The following ABCG2 variants were observed in gnomAD, a reference collection of about 807,000 sequenced individuals.
ABCG2 encodes broad substrate specificity ATP-binding cassette transporter ABCG2.
ABCG2 carries 80 observed loss-of-function variants against 73.5 expected under a neutral mutation model. The ratio of observed to expected loss-of-function variants is 1.09; its 90% CI spans 0.91 to 1.31. The LOEUF (loss-of-function observed/expected upper bound fraction) is 1.31. ABCG2 is among the 50% of genes most tolerant of loss of function. The pLI, the probability that ABCG2 is intolerant of heterozygous loss-of-function variation, is 0.00. For missense variants in ABCG2, 796 were observed against 786.2 expected, an observed-to-expected ratio of 1.01 and a Z score of -0.15; for synonymous variants, 269 against 282.4, an observed-to-expected ratio of 0.95 and a Z score of 0.48.
Position 88,115,202 on chromosome 4 carries a change from G to A in ABCG2, c.842-144C>T, listed in dbSNP as rs1033672298. ...AACTTTCTTTCTCTCTTCTTCCCAC[G>A]TAATTTTACCCTTTCTTTTTATATA... On this transcript the variant is annotated intron_variant, in intron 7 of 15. Coordinates refer to ENST00000237612, the MANE Select transcript of ABCG2 (RefSeq NM_004827.3). 4.8e-5 allele frequency: 21 copies of A among 436,600 alleles called. 1 individual carries two copies. Among genetic ancestry groups the A allele is most frequent in the African/African-American group, 4.5e-4 (17 of 37,538 alleles). The allele number at this position is 436,600 out of a possible 1,614,324, so 27.0% of individuals were successfully genotyped here. A position where few individuals can be genotyped will look rare whatever the true frequency, so the allele number is the denominator to read the frequency against.
At chr4:88,196,950 T>C (rs1349503813) in intron 1 of ABCG2, among the ~76,000 whole-genome samples, 4 of 152,054 alleles carry the variant, frequency 2.6e-5, no homozygotes, top group Non-Finnish European at 1.5e-5. Context: ...TAAATGACCT[T>C]GGTGAAGGGA....
rs74624975 is a variant in ABCG2, at chr4:88,208,335, G to T, written c.-20+22659C>A. Among the ~76,000 whole-genome samples the T allele has an allele frequency of 5.6e-4, 85 of 152,300 alleles. 1 individual carries two copies. The East Asian group carries it at 0.014, about 25-fold the overall frequency. The stretch of plus-strand genomic sequence containing the variant: ...AGGGTAAGCTATAGGGAGAGTCGGA[G>T]AAATCCATGGGCAAGCTTCCTCAAG... On this transcript the variant is annotated intron_variant, in intron 1 of 15. Transcript: ENST00000515655.
chr4:88,159,294 C>A (rs142365584), upstream of ABCG2: 2 of 446,868 alleles, frequency 4.5e-6, no homozygotes, highest in Non-Finnish European at 9.0e-6. Flanking sequence ...CAGTCACAAG[C>A]GCTGCTCGCA....
rs557083708 is a variant in ABCG2, at chr4:88,182,678, GA to G, written c.-19-42665del. ...AGTGGGTCAATGAAGAAACTAGTAA[GA>G]AAATTAAAAATTTTCTTGAAACAAA... On this transcript the variant is annotated intron_variant, in intron 1 of 15. Transcript: ENST00000515655. Among the ~76,000 whole-genome samples, 290 of 152,184 alleles carry G rather than the reference GA, an allele frequency of 1.9e-3. 1 individual carries two copies. The highest frequency in any genetic ancestry group is 5.8e-3 in the African/African-American group (241 of 41,528).
At chr4:88,155,206 G>A (rs960522956) in intron 1 of ABCG2, among the ~76,000 whole-genome samples, 1 of 152,186 alleles carries the variant, frequency 6.6e-6, no homozygotes, top group African/African-American at 2.4e-5. Flanking sequence ...GCGAAACCAG[G>A]TATCCAAAGT....
intron 1 of ABCG2, among the ~76,000 whole-genome samples, chr4:88,216,353 G>A (rs1729812442): frequency 6.6e-6 from 1 of 152,200 alleles, no homozygotes. Flanking sequence ...TGTGCCGCGT[G>A]TACATCCAGT....
chr4:88,142,889 A>G (rs1431183380), intron 1 of ABCG2, among the ~76,000 whole-genome samples: 2 of 152,140 alleles, frequency 1.3e-5, no homozygotes, highest in Non-Finnish European at 2.9e-5. Flanking sequence ...CAGAGATTGC[A>G]GTGAGCCGAG....
chr4:88,140,825 A>C (rs981573216), intron 1 of ABCG2, among the ~76,000 whole-genome samples: 1 of 152,140 alleles, frequency 6.6e-6, no homozygotes. Context: ...ATTACATAAT[A>C]ATTTCCTTAA....
intron 1 of ABCG2, among the ~76,000 whole-genome samples, chr4:88,152,524 G>A (rs1039632625): frequency 4.6e-5 from 7 of 152,260 alleles, no homozygotes; most frequent in Non-Finnish European, 8.8e-5. Context: ...GGGCGTCACA[G>A]GGTGCTCAGC....
intron 1 of ABCG2, among the ~76,000 whole-genome samples, chr4:88,209,536 G>A (rs932220114): frequency 1.3e-5 from 2 of 151,046 alleles, no homozygotes; most frequent in Non-Finnish European, 2.9e-5. Context: ...GGTGGTGAGC[G>A]CCTGTAATCC....
chr4:88,129,646 C>T (rs1724701717), intron 5 of ABCG2, among the ~76,000 whole-genome samples: 1 of 152,152 alleles, frequency 6.6e-6, no homozygotes, highest in Non-Finnish European at 1.5e-5. Context: ...TACAGTAAAA[C>T]ACCCTGAACA....
At chr4:88,228,938 T>A (rs1730339811) in intron 1 of ABCG2, among the ~76,000 whole-genome samples, 1 of 151,740 alleles carries the variant, frequency 6.6e-6, no homozygotes, top group African/African-American at 2.4e-5. Context: ...AATGCACCAA[T>A]CAGCATTCTG....
chr4:88,229,332 G>A (rs918961914), intron 1 of ABCG2, among the ~76,000 whole-genome samples: 2 of 152,058 alleles, frequency 1.3e-5, no homozygotes, highest in Non-Finnish European at 2.9e-5. Flanking sequence ...AATGGCTTCA[G>A]CATCTTCACT....
At chr4:88,121,951 T>C (rs933272318) in intron 5 of ABCG2, among the ~76,000 whole-genome samples, 159 bp from the exon 6 acceptor site, 1 of 152,162 alleles carries the variant, frequency 6.6e-6, no homozygotes, top group Non-Finnish European at 1.5e-5. Flanking sequence ...AGTAGGTATC[T>C]CTTTTATCAG....
At position 88,094,610 on chromosome 4, in the gene ABCG2, T is replaced by C. The variant is rs147547385; in HGVS notation, c.1787A>G (p.Asn596Ser). Residue 596 changes from asparagine (N) to serine (S), a missense_variant, in exon 15 of 16, where the codon AAT (asparagine) becomes AGT (serine). Transcript: ENST00000237612. ...FLGQNFCPGL[N>S]ATGNNPCNYA... ...GTTACAAGGATTGTTTCCTGTTGCA[T>C]TGAGTCCTGGGCAGAAGTTTTGTCC... 477 of 1,614,098 alleles carry C rather than the reference T, an allele frequency of 3.0e-4. 5 individuals are homozygous for C. The South Asian group carries it at 3.9e-3, about 13-fold the overall frequency.
intron 1 of ABCG2, among the ~76,000 whole-genome samples, chr4:88,180,692 G>A (rs1433590828): frequency 6.6e-6 from 1 of 152,098 alleles, no homozygotes; most frequent in Admixed American, 6.5e-5. Context: ...AGTATAGGTT[G>A]CAGTGAGCTG....
At chr4:88,143,574 A>G in intron 1 of ABCG2, among the ~76,000 whole-genome samples, 1 of 152,254 alleles carries the variant, frequency 6.6e-6, no homozygotes, top group Non-Finnish European at 1.5e-5. Flanking sequence ...TATAAATACA[A>G]TCACAATCTT....
At chr4:88,181,614 C>G (rs769236490) in intron 1 of ABCG2, among the ~76,000 whole-genome samples, 2 of 151,852 alleles carry the variant, frequency 1.3e-5, no homozygotes, top group Admixed American at 6.6e-5. Context: ...ATCTGTGCTC[C>G]CAGCTAATCA....
rs563726701 is a variant in ABCG2 at position 88,222,192 on chromosome 4, GT to G, written c.-20+8801del. On this transcript the variant is annotated intron_variant, in intron 1 of 15. Coordinates refer to the ABCG2 transcript ENST00000515655. ...TCCATATGGTGTTGGGCCTGCAGGTGTGCAGAAGTCAAGAATTGAGTCTGGG... is the reference window on the plus strand; with the variant it reads ...TCCATATGGTGTTGGGCCTGCAGGTGGCAGAAGTCAAGAATTGAGTCTGGG... Among the ~76,000 whole-genome samples the G allele has an allele frequency of 7.2e-5, 11 of 152,366 alleles. 2 individuals are homozygous for G. In the South Asian group the frequency reaches 2.3e-3, roughly 32 times the overall value.
Sources: gnomAD v4.1 joint callset for allele counts (sites outside exome capture counted in the v4.1 genomes callset) on GRCh38, gnomAD v4.1.1 for gene constraint, MANE v1.5 for transcripts, NCBI Gene and HGNC (gene_info 2026-07-23, HGNC 2026-07-21) for gene names.